GLMN: variants seen among roughly 807,000 people sequenced by gnomAD.
GLMN encodes glomulin, FKBP associated protein, also known as glomulin.
A neutral mutation model predicts 87.8 loss-of-function variants in GLMN; 75 were observed. That is an observed-to-expected ratio of 0.85 (90% CI 0.71 to 1.04). GLMN has a LOEUF of 1.04. Ranked by LOEUF, GLMN falls within the 50% of genes least tolerant of loss-of-function variation. GLMN has a pLI of 0.00. For missense variants in GLMN, 588 were observed against 658.8 expected, an observed-to-expected ratio of 0.89 and a Z score of 1.18; for synonymous variants, 206 against 221.6, an observed-to-expected ratio of 0.93 and a Z score of 0.63.
chr1:92,365,270 G>T, the GLMN span, among the ~76,000 whole-genome samples: 2 of 152,098 alleles, frequency 1.3e-5, no homozygotes, highest in African/African-American at 2.4e-5. Context: ...TCTTCCAAAA[G>T]TGTAGTTAAC....
At chr1:92,266,386 C>T in intron 13 of GLMN, 33 bp downstream of exon 13, 1 of 1,091,920 alleles carries the variant, frequency 9.2e-7, no homozygotes, top group Non-Finnish European at 1.4e-6. Context: ...TAATCAACCA[C>T]ACACTTAGCA....
At chr1:92,367,487 C>T in the GLMN span, among the ~76,000 whole-genome samples, 3 of 152,336 alleles carry the variant, frequency 2.0e-5, no homozygotes, top group African/African-American at 7.2e-5. Context: ...ATCTTCCTAC[C>T]TTCTCCTTCC....
chr1:92,284,738 T>C (rs1194485608), intron 7 of GLMN, among the ~76,000 whole-genome samples: 1 of 151,916 alleles, frequency 6.6e-6, no homozygotes, highest in Non-Finnish European at 1.5e-5. Flanking sequence ...AAAGGGCTAA[T>C]ATCCAGAATC....
chr1:92,302,316 A>AT (rs1445576766), upstream of GLMN, among the ~76,000 whole-genome samples: 1 of 150,844 alleles, frequency 6.6e-6, no homozygotes, highest in African/African-American at 2.5e-5. Context: ...AAAAAGAAAA[A>AT]TGAGGATGGG....
intron 7 of GLMN, among the ~76,000 whole-genome samples, chr1:92,273,606 C>A (rs562520129): frequency 1.3e-5 from 2 of 151,632 alleles, no homozygotes; most frequent in Non-Finnish European, 2.9e-5. Flanking sequence ...CCACCATGCC[C>A]GCTATTTTTT....
chr1:92,265,217 T>C (rs12066980), intron 13 of GLMN, among the ~76,000 whole-genome samples: 2,524 of 152,046 alleles, frequency 0.017, 88 homozygotes, highest in African/African-American at 0.058. Flanking sequence ...TTTATGAACA[T>C]AGTTACAATA....
intron 3 of GLMN, among the ~76,000 whole-genome samples, chr1:92,294,107 T>C (rs1213943750): frequency 6.6e-6 from 1 of 152,166 alleles, no homozygotes; most frequent in Non-Finnish European, 1.5e-5. Flanking sequence ...TGAGTATAAT[T>C]GGTTTGTTTG....
chr1:92,250,668 A>C (rs1653349433), intron 16 of GLMN, among the ~76,000 whole-genome samples: 2 of 152,192 alleles, frequency 1.3e-5, no homozygotes, highest in Admixed American at 6.5e-5. Context: ...AACACATTTA[A>C]TCTTAATACT....
intron 3 of GLMN, among the ~76,000 whole-genome samples, chr1:92,293,568 A>T (rs1394705561): frequency 6.6e-6 from 1 of 152,184 alleles, no homozygotes; most frequent in Non-Finnish European, 1.5e-5. Context: ...AAAATACAAA[A>T]ATAGAGCTAC....
intron 9 of GLMN, among the ~76,000 whole-genome samples, chr1:92,268,798 C>A (rs1277413277): frequency 6.6e-6 from 1 of 151,982 alleles, no homozygotes; most frequent in East Asian, 1.9e-4. Flanking sequence ...CCTAACTGAT[C>A]TCAGGGGATA....
the GLMN span, among the ~76,000 whole-genome samples, chr1:92,338,231 A>C: frequency 6.6e-6 from 1 of 152,198 alleles, no homozygotes; most frequent in Non-Finnish European, 1.5e-5. Flanking sequence ...TCTAATTACT[A>C]AGATTTTTAC....
chr1:92,363,284 A>C, the GLMN span, among the ~76,000 whole-genome samples: 3 of 152,202 alleles, frequency 2.0e-5, no homozygotes, highest in Non-Finnish European at 4.4e-5. Flanking sequence ...GAGCCAATAA[A>C]GAAAAATAAT....
At chr1:92,335,552 T>C in the GLMN span, among the ~76,000 whole-genome samples, 1 of 152,178 alleles carries the variant, frequency 6.6e-6, no homozygotes, top group South Asian at 2.1e-4. Context: ...ATTCATTCTA[T>C]TTGGTTCTCT....
chr1:92,348,155 C>T, the GLMN span, among the ~76,000 whole-genome samples: 1 of 152,178 alleles, frequency 6.6e-6, no homozygotes. Flanking sequence ...TCCCAAAGTG[C>T]TGTGATTACA....
Position 92,266,424 on chromosome 1 carries a change from TA to T in GLMN, c.1208del (p.Leu403TyrfsTer6). 1 of 1,495,170 alleles carries T rather than the reference TA, an allele frequency of 6.7e-7. No homozygotes were observed. Among genetic ancestry groups the T allele is most frequent in the Non-Finnish European group, 9.3e-7 (1 of 1,072,482 alleles). 92.6% of individuals were successfully genotyped at this position (1,495,170 alleles called of 1,614,324 possible). A position where few individuals can be genotyped will look rare whatever the true frequency, so the allele number is the denominator to read the frequency against. Reference protein sequence around the residue: ...NKLDSQGKYTLFRCLLNTSNH... With the variant: ...NKLDSQGKYTXFRCLLNTSNH... ...TAGCCATGCTTGATACATACCTAAA[TA>T]ATGTATATTTGCCTTGTGAATCCAA... On this transcript the variant is annotated frameshift_variant, in exon 13 of 19. Coordinates refer to ENST00000370360, the MANE Select transcript of GLMN (RefSeq NM_053274.3). LOFTEE classifies it high-confidence loss of function.
Position 92,255,551 on chromosome 1 carries a change from T to C in GLMN, c.1473+7312A>G, listed in dbSNP as rs566309278. Among the ~76,000 whole-genome samples, 134 of 152,260 alleles carry C rather than the reference T, an allele frequency of 8.8e-4. 1 individual carries two copies. In the South Asian group the frequency reaches 0.011, roughly 13 times the overall value. ...AGCAAATGCAAAAGAACAGAAATTG[T>C]AACAAACTGTCTCTTAGACCACAGT... On this transcript the variant is annotated intron_variant, in intron 16 of 18. Transcript: ENST00000370360.
chr1:92,369,777 C>A, the GLMN span, among the ~76,000 whole-genome samples: 38 of 152,104 alleles, frequency 2.5e-4, no homozygotes, highest in East Asian at 7.3e-3. Flanking sequence ...AAAAGAGGAG[C>A]CTGGGGAGTC....
chr1:92,351,546 C>T, the GLMN span, among the ~76,000 whole-genome samples: 1 of 152,122 alleles, frequency 6.6e-6, no homozygotes, highest in African/African-American at 2.4e-5. Flanking sequence ...ACACATCGCT[C>T]AGCTTCTGTC....
the GLMN span, among the ~76,000 whole-genome samples, chr1:92,365,570 G>A: frequency 1.3e-5 from 2 of 152,178 alleles, no homozygotes; most frequent in Admixed American, 1.3e-4. Context: ...TAAATCAGTT[G>A]ACTTAGCTGC....
Sources: gnomAD v4.1 joint callset for allele counts (sites outside exome capture counted in the v4.1 genomes callset) on GRCh38, gnomAD v4.1.1 for gene constraint, MANE v1.5 for transcripts, NCBI Gene and HGNC (gene_info 2026-07-23, HGNC 2026-07-21) for gene names.